Variants in PEAK1 observed in about 807,000 individuals in gnomAD.
The protein encoded by PEAK1 is inactive tyrosine-protein kinase PEAK1.
In PEAK1, 54 loss-of-function variants were observed where a neutral mutation model predicts 124.7. That is an observed-to-expected ratio of 0.43 (90% CI 0.35 to 0.54). The LOEUF is 0.54. PEAK1 is among the 20% of genes least tolerant of loss of function. The pLI, the probability that PEAK1 is intolerant of heterozygous loss-of-function variation, is 0.01. For synonymous variants in PEAK1, 719 were observed against 760.0 expected (o/e 0.95, Z 0.89); for missense variants, 2,046 against 2,134.5 (o/e 0.96, Z 0.82).
At chr15:77,139,354 G>A (rs2053589279) in intron 8 of PEAK1, among the ~76,000 whole-genome samples, 1 of 152,056 alleles carries the variant, frequency 6.6e-6, no homozygotes, top group Non-Finnish European at 1.5e-5. Flanking sequence ...TAAAGTTATG[G>A]TAATAGTACA....
chr15:77,256,160 T>C (rs553857133), intron 5 of PEAK1, among the ~76,000 whole-genome samples: 3 of 152,208 alleles, frequency 2.0e-5, no homozygotes, highest in South Asian at 4.1e-4. Flanking sequence ...ATTAATAAGA[T>C]AAGCATAATA....
At chr15:77,408,749 G>C (rs759748625) in intron 1 of PEAK1, among the ~76,000 whole-genome samples, 8 of 152,200 alleles carry the variant, frequency 5.3e-5, no homozygotes, top group Middle Eastern at 3.4e-3. Flanking sequence ...TTCAGCATTT[G>C]AAATATTCAA....
At chr15:77,159,344 A>T (rs2055429625) in intron 7 of PEAK1, among the ~76,000 whole-genome samples, 2 of 152,222 alleles carry the variant, frequency 1.3e-5, no homozygotes, top group Non-Finnish European at 2.9e-5. Flanking sequence ...AATCTCATTT[A>T]TTAAAATGAA....
chr15:77,179,091 C>G lies in PEAK1; in HGVS notation c.2836G>C (p.Glu946Gln), dbSNP rs769308357. ...KTDEEDDKEK[E>Q]REKGKLVGLD... ...CCCACCAGTTTCCCTTTCTCTCGCTCTTTCTCTTTGTCATCCTCCTCATCT... is the reference window on the plus strand; with the variant it reads ...CCCACCAGTTTCCCTTTCTCTCGCTGTTTCTCTTTGTCATCCTCCTCATCT... The change falls in exon 7 of 10, where the codon GAG becomes CAG. Residue 946 changes from glutamate (E) to glutamine (Q), a missense_variant. Transcript: ENST00000682557. The G allele has an allele frequency of 6.2e-7, 1 of 1,614,212 alleles. No homozygotes were observed. Among genetic ancestry groups the G allele is most frequent in the East Asian group, 2.2e-5 (1 of 44,886 alleles).
At chr15:77,415,838 A>C (rs2142173606) in intron 1 of PEAK1, among the ~76,000 whole-genome samples, 1 of 152,220 alleles carries the variant, frequency 6.6e-6, no homozygotes, top group South Asian at 2.1e-4. Context: ...CCCACCAAAC[A>C]CACACATATA....
intron 6 of PEAK1, among the ~76,000 whole-genome samples, chr15:77,184,249 CA>C (rs1254126985): frequency 4.6e-5 from 7 of 151,674 alleles, no homozygotes; most frequent in African/African-American, 1.7e-4. Flanking sequence ...CATGGAAGTG[CA>C]AATTAAAACT....
At chr15:77,188,164 T>C (rs1239077299) in intron 6 of PEAK1, among the ~76,000 whole-genome samples, 1 of 152,210 alleles carries the variant, frequency 6.6e-6, no homozygotes, top group African/African-American at 2.4e-5. Flanking sequence ...TTATCATTCC[T>C]TGCTATCACA....
At chr15:77,420,664 A>C (rs957934125), upstream of PEAK1, 1 of 392,700 alleles carries the variant, frequency 2.5e-6, no homozygotes, top group Non-Finnish European at 4.5e-6. Context: ...CCTCCACGAA[A>C]ATAAGGCTCA....
At position 77,112,381 on chromosome 15, in the gene PEAK1, A is replaced by G. The variant is rs2051026076; in HGVS notation, c.*1775T>C. The G allele has an allele frequency of 6.6e-6, 1 of 152,248 alleles. No homozygotes were observed. Among genetic ancestry groups the G allele is most frequent in the Admixed American group, 6.5e-5 (1 of 15,282 alleles). The allele number at this position is 152,248 out of a possible 1,614,324, so 9.4% of individuals were successfully genotyped here. ...AGGCCACTAATGTGCTATGTAAGTA[A>G]TACTGCACAGTCAGTCTTGGCTTTA... On this transcript the variant is annotated 3_prime_UTR_variant, in exon 10 of 10. Transcript: ENST00000682557.
intron 9 of PEAK1, among the ~76,000 whole-genome samples, chr15:77,129,443 AT>A (rs35174642): frequency 0.29 from 40,751 of 140,904 alleles, 5,842 homozygotes; most frequent in Middle Eastern, 0.38. Flanking sequence ...TCTACCACTG[AT>A]TTTTTTTTTT....
intron 9 of PEAK1, among the ~76,000 whole-genome samples, chr15:77,120,159 G>A (rs912844916): frequency 2.6e-5 from 4 of 152,124 alleles, no homozygotes; most frequent in African/African-American, 4.8e-5. Flanking sequence ...CAAAGGTTCC[G>A]TGAAGTGCTG....
chr15:77,219,161 A>T (rs914520008), intron 6 of PEAK1, among the ~76,000 whole-genome samples: 1 of 152,138 alleles, frequency 6.6e-6, no homozygotes, highest in Non-Finnish European at 1.5e-5. Flanking sequence ...ACAGACAATG[A>T]CTGGAGGTAG....
chr15:77,396,939 T>C (rs1248218068), intron 1 of PEAK1, among the ~76,000 whole-genome samples: 1 of 152,168 alleles, frequency 6.6e-6, no homozygotes, highest in Non-Finnish European at 1.5e-5. Context: ...TCAAACTTAA[T>C]CTCACTTCTG....
chr15:77,415,995 T>TA (rs2072855370), intron 1 of PEAK1, among the ~76,000 whole-genome samples: 1 of 152,224 alleles, frequency 6.6e-6, no homozygotes, highest in African/African-American at 2.4e-5. Flanking sequence ...CTCAATTAGC[T>TA]ACACTTACAG....
chr15:77,114,212 C>G lies in PEAK1; in HGVS notation c.5185G>C (p.Ala1729Pro). Residue 1729 changes from alanine to proline, a missense_variant, in exon 10 of 10, where the codon GCT (alanine) becomes CCT (proline). By Grantham distance (27) the Ala-to-Pro change is conservative (BLOSUM62 -1). Transcript: ENST00000682557. ...CTGAGGGAGTCTGTAGTGGCAAAAG[C>G]CAAATACTGAGCACAAAGCCAGTCC... is the stretch of plus-strand genomic sequence containing the variant. ...LEDWLCAQYL[A>P]FATTDSLSCI... 6.2e-7 allele frequency: 1 copy of G among 1,614,212 alleles called. No homozygotes were observed. The highest frequency in any genetic ancestry group is 1.7e-5 in the Admixed American group (1 of 60,028).
At chr15:77,186,797 T>C (rs1280373504) in intron 6 of PEAK1, among the ~76,000 whole-genome samples, 1 of 152,186 alleles carries the variant, frequency 6.6e-6, no homozygotes, top group African/African-American at 2.4e-5. Context: ...AAAACTATTT[T>C]AACCTACAAC....
intron 2 of PEAK1, among the ~76,000 whole-genome samples, chr15:77,321,652 T>C (rs1046586477): frequency 6.6e-6 from 1 of 152,218 alleles, no homozygotes; most frequent in Non-Finnish European, 1.5e-5. Context: ...CAGAAGCTCT[T>C]TAGTTTAATT....
chr15:77,135,635 G>T (rs910092992), intron 8 of PEAK1, among the ~76,000 whole-genome samples: 2 of 152,224 alleles, frequency 1.3e-5, no homozygotes, highest in Admixed American at 1.3e-4. Flanking sequence ...GAGGGACCCA[G>T]TGGGAGGTAA....
chr15:77,287,372 A>G (rs1836499080), intron 2 of PEAK1, among the ~76,000 whole-genome samples: 1 of 152,282 alleles, frequency 6.6e-6, no homozygotes, highest in South Asian at 2.1e-4. Flanking sequence ...GCAATTTCCA[A>G]GTAAATGAAA....
Sources: gnomAD v4.1 joint callset for allele counts (sites outside exome capture counted in the v4.1 genomes callset) on GRCh38, gnomAD v4.1.1 for gene constraint, MANE v1.5 for transcripts, NCBI Gene and HGNC (gene_info 2026-07-23, HGNC 2026-07-21) for gene names.